The following SCHIP1 variants were observed in gnomAD, a reference collection of about 807,000 sequenced individuals.
The protein encoded by SCHIP1 is schwannomin interacting protein 1.
Under a neutral mutation model 29.7 loss-of-function variants are expected in SCHIP1, and 8 were observed. That is an observed-to-expected ratio of 0.27 (90% CI 0.16 to 0.49). The LOEUF is 0.49. Ranked by LOEUF, SCHIP1 falls within the 20% of genes least tolerant of loss-of-function variation. The pLI is 0.99. For missense variants in SCHIP1, 193 were observed against 294.6 expected (o/e 0.66, Z 2.52); for synonymous variants, 76 against 94.9 (o/e 0.80, Z 1.16).
At chr3:159,725,007 C>T in the SCHIP1 span, among the ~76,000 whole-genome samples, 1 of 152,102 alleles carries the variant, frequency 6.6e-6, no homozygotes, top group Non-Finnish European at 1.5e-5. Context: ...TTGTTTTCAT[C>T]AGTTATGCCC....
the SCHIP1 span, among the ~76,000 whole-genome samples, chr3:159,752,077 C>T: frequency 6.6e-6 from 1 of 151,522 alleles, no homozygotes; most frequent in African/African-American, 2.4e-5. Context: ...TTTCTTCCTC[C>T]TGCTTTGGCC....
chr3:159,616,483 C>T, the SCHIP1 span, among the ~76,000 whole-genome samples: 1 of 152,062 alleles, frequency 6.6e-6, no homozygotes, highest in South Asian at 2.1e-4. Flanking sequence ...AGAGCATAAC[C>T]ATATCAGAAA....
the SCHIP1 span, among the ~76,000 whole-genome samples, chr3:159,424,663 A>C: frequency 6.6e-6 from 1 of 152,208 alleles, no homozygotes; most frequent in Admixed American, 6.5e-5. Flanking sequence ...AAGGCAGGCC[A>C]ACATTCAGAT....
intron 1 of SCHIP1, among the ~76,000 whole-genome samples, chr3:159,863,079 C>G (rs1032149040): frequency 5.3e-5 from 8 of 152,260 alleles, no homozygotes; most frequent in Non-Finnish European, 8.8e-5. Context: ...TGGTGGCTCA[C>G]GCTTGTAATC....
the SCHIP1 span, among the ~76,000 whole-genome samples, chr3:159,750,263 GTATA>G: frequency 7.1e-3 from 179 of 25,040 alleles, 1 homozygote; most frequent in Middle Eastern, 0.05. Context: ...ATGTGTGTGT[GTATA>G]TATATATATA....
At chr3:159,868,515 C>T (rs1485228878) in intron 2 of SCHIP1, among the ~76,000 whole-genome samples, 1 of 152,114 alleles carries the variant, frequency 6.6e-6, no homozygotes, top group Non-Finnish European at 1.5e-5. Flanking sequence ...TTCATCGCTT[C>T]TCAGCCTTTT....
At chr3:159,286,339 C>A in the SCHIP1 span, among the ~76,000 whole-genome samples, 2 of 152,150 alleles carry the variant, frequency 1.3e-5, no homozygotes, top group Non-Finnish European at 2.9e-5. Context: ...GTTGTCTGTT[C>A]CTGTGTTACT....
the SCHIP1 span, among the ~76,000 whole-genome samples, chr3:159,562,558 A>G: frequency 6.6e-6 from 1 of 152,312 alleles, no homozygotes; most frequent in East Asian, 1.9e-4. Context: ...CTGTGGCACA[A>G]TCGATCAAGA....
the SCHIP1 span, among the ~76,000 whole-genome samples, chr3:159,608,450 T>C: frequency 2.6e-5 from 4 of 152,240 alleles, no homozygotes; most frequent in Admixed American, 2.6e-4. Flanking sequence ...AGTTACTGTT[T>C]TGCTGCACAC....
intron 5 of SCHIP1, 60 bp from the exon 7 acceptor site, chr3:159,892,037 T>G: frequency 6.4e-7 from 1 of 1,568,134 alleles, no homozygotes; most frequent in South Asian, 1.2e-5. Context: ...TGGTAACTAG[T>G]TTACATTCTG....
chr3:159,684,700 G>A, the SCHIP1 span, among the ~76,000 whole-genome samples: 9 of 151,526 alleles, frequency 5.9e-5, no homozygotes, highest in South Asian at 1.9e-3. Flanking sequence ...GCTACTCAGG[G>A]GGCTGAGGCA....
the SCHIP1 span, among the ~76,000 whole-genome samples, chr3:159,444,338 C>T: frequency 2.6e-5 from 4 of 152,028 alleles, no homozygotes; most frequent in East Asian, 3.9e-4. Context: ...CAAACACATG[C>T]GAGGCATGGA....
chr3:159,476,446 G>A, the SCHIP1 span, among the ~76,000 whole-genome samples: 1 of 152,090 alleles, frequency 6.6e-6, no homozygotes, highest in Non-Finnish European at 1.5e-5. Context: ...ATTTGTGTTT[G>A]AAGAGGTAAG....
At chr3:159,673,976 C>A in the SCHIP1 span, among the ~76,000 whole-genome samples, 1 of 152,122 alleles carries the variant, frequency 6.6e-6, no homozygotes, top group African/African-American at 2.4e-5. Flanking sequence ...ACCCTGGTAC[C>A]CCCTGTTATG....
At chr3:159,348,402 T>C in the SCHIP1 span, among the ~76,000 whole-genome samples, 3 of 152,152 alleles carry the variant, frequency 2.0e-5, no homozygotes, top group Non-Finnish European at 4.4e-5. Context: ...TATTAAACCA[T>C]ATTTACACAA....
At chr3:159,670,920 T>C in the SCHIP1 span, among the ~76,000 whole-genome samples, 2 of 152,160 alleles carry the variant, frequency 1.3e-5, no homozygotes, top group South Asian at 4.1e-4. Context: ...GGACCAGTTA[T>C]ATAATTTGCA....
chr3:159,628,446 A>G, the SCHIP1 span, among the ~76,000 whole-genome samples: 1 of 152,206 alleles, frequency 6.6e-6, no homozygotes, highest in Non-Finnish European at 1.5e-5. Context: ...AAAAACAGAA[A>G]ATGGAAGCTG....
intron 1 of SCHIP1, among the ~76,000 whole-genome samples, chr3:159,853,847 T>A (rs1712983363): frequency 6.6e-6 from 1 of 152,256 alleles, no homozygotes; most frequent in Non-Finnish European, 1.5e-5. Context: ...TTGATTTTAT[T>A]GGCAATGAAA....
the SCHIP1 span, among the ~76,000 whole-genome samples, chr3:159,499,400 G>A: frequency 2.0e-5 from 3 of 152,234 alleles, no homozygotes; most frequent in Admixed American, 1.3e-4. Flanking sequence ...TGCATACACC[G>A]TAACTTTTCC....
Sources: gnomAD v4.1 joint callset for allele counts (sites outside exome capture counted in the v4.1 genomes callset) on GRCh38, gnomAD v4.1.1 for gene constraint, MANE v1.5 for transcripts, NCBI Gene and HGNC (gene_info 2026-07-23, HGNC 2026-07-21) for gene names.